FKBP5: variants seen among roughly 807,000 people sequenced by gnomAD.
FKBP5 encodes the protein FKBP prolyl isomerase 5, also known as peptidyl-prolyl cis-trans isomerase FKBP5.
FKBP5 carries 23 observed loss-of-function variants against 50.5 expected under a neutral mutation model. That is an observed-to-expected ratio of 0.46 (90% CI 0.33 to 0.65). FKBP5 has a LOEUF of 0.65. Ranked by LOEUF, FKBP5 falls within the 30% of genes least tolerant of loss-of-function variation. The pLI is 0.02. For missense variants in FKBP5, 411 were observed against 553.1 expected (o/e 0.74, Z 2.58); for synonymous variants, 176 against 190.6 (o/e 0.92, Z 0.63).
At chr6:35,582,136 A>G (rs558044787) in intron 8 of FKBP5, 206 of 985,024 alleles carry the variant, frequency 2.1e-4, no homozygotes, top group Admixed American at 3.1e-4. Context: ...TCCCTCGAAC[A>G]TCCTTCTTCC....
At chr6:35,687,247 G>A (rs1196606999) in intron 1 of FKBP5, among the ~76,000 whole-genome samples, 1 of 152,114 alleles carries the variant, frequency 6.6e-6, no homozygotes, top group Non-Finnish European at 1.5e-5. Flanking sequence ...CAAATAATGA[G>A]TATTAATAAC....
intron 6 of FKBP5, 148 bp from the exon 7 acceptor site, chr6:35,591,368 T>A: frequency 1.7e-6 from 1 of 580,148 alleles, no homozygotes; most frequent in Non-Finnish European, 3.1e-6. Flanking sequence ...GACCAGAAGA[T>A]ACAGTGTGAA....
At chr6:35,585,308 T>C in intron 8 of FKBP5, 2 of 980,252 alleles carry the variant, frequency 2.0e-6, no homozygotes, top group Non-Finnish European at 2.4e-6. Flanking sequence ...TATTATGTAT[T>C]TGGATATACA....
At chr6:35,619,897 C>T (rs1314939505) in intron 4 of FKBP5, among the ~76,000 whole-genome samples, 2 of 152,082 alleles carry the variant, frequency 1.3e-5, no homozygotes, top group African/African-American at 2.4e-5. Flanking sequence ...CTAAGTGTAG[C>T]GTCTTTTGTT....
At chr6:35,701,802 A>G (rs1766194281) in intron 2 of FKBP5, among the ~76,000 whole-genome samples, 1 of 151,600 alleles carries the variant, frequency 6.6e-6, no homozygotes, top group South Asian at 2.1e-4. Flanking sequence ...CAGCCTCCCA[A>G]AGTGTTGGGA....
Position 35,579,148 on chromosome 6 carries a change from A to G in FKBP5, c.1026+888T>C, listed in dbSNP as rs545468177. Among the ~76,000 whole-genome samples the G allele has an allele frequency of 4.2e-3, 626 of 148,872 alleles. 3 individuals are homozygous for G. Among genetic ancestry groups the G allele is most frequent in the African/African-American group, 0.012 (455 of 38,856 alleles). ...TCTCTAAAACAAACAAAACACACACACGCGCGCGCGCACACACTCTCTCTC... is the reference window on the plus strand; with the variant it reads ...TCTCTAAAACAAACAAAACACACACGCGCGCGCGCGCACACACTCTCTCTC... On this transcript the variant is annotated intron_variant, in intron 9 of 10. Coordinates refer to ENST00000357266, the MANE Select transcript of FKBP5 (RefSeq NM_004117.4).
At chr6:35,671,230 C>T (rs1765378375) in intron 1 of FKBP5, among the ~76,000 whole-genome samples, 1 of 151,026 alleles carries the variant, frequency 6.6e-6, no homozygotes. Context: ...CACCACTGCA[C>T]TCCAGCCTGG....
intron 6 of FKBP5, among the ~76,000 whole-genome samples, chr6:35,595,065 A>G (rs1372029168): frequency 6.6e-6 from 1 of 152,186 alleles, no homozygotes; most frequent in Non-Finnish European, 1.5e-5. Context: ...TTAGCTCTCC[A>G]TAACTTTATG....
At chr6:35,712,227 C>T (rs1766428958) in intron 2 of FKBP5, among the ~76,000 whole-genome samples, 1 of 151,866 alleles carries the variant, frequency 6.6e-6, no homozygotes, top group Non-Finnish European at 1.5e-5. Context: ...GTTACCCGCT[C>T]TCTTTTTTCC....
chr6:35,629,104 A>G (rs1188774800), intron 3 of FKBP5, among the ~76,000 whole-genome samples: 1 of 149,956 alleles, frequency 6.7e-6, no homozygotes, highest in Non-Finnish European at 1.5e-5. Flanking sequence ...TAAACAAATT[A>G]ATTTATGTAT....
chr6:35,595,046 G>A (rs1762941244), intron 6 of FKBP5, among the ~76,000 whole-genome samples: 1 of 152,122 alleles, frequency 6.6e-6, no homozygotes, highest in African/African-American at 2.4e-5. Context: ...TATATGTGCA[G>A]GATTTTATTT....
intron 1 of FKBP5, among the ~76,000 whole-genome samples, chr6:35,662,449 A>ATT (rs11333201): frequency 4.4e-5 from 6 of 135,980 alleles, no homozygotes; most frequent in Non-Finnish European, 8.0e-5. Context: ...TAATTTTTTA[A>ATT]TTTTTTTTTT....
intron 8 of FKBP5, chr6:35,580,944 C>T (rs1463582933): frequency 7.1e-6 from 7 of 985,230 alleles, no homozygotes; most frequent in Non-Finnish European, 8.4e-6. Context: ...GCAAATATTA[C>T]ATTCTGGCAA....
At chr6:35,667,961 TC>T (rs1259475698) in intron 1 of FKBP5, among the ~76,000 whole-genome samples, 1 of 152,084 alleles carries the variant, frequency 6.6e-6, no homozygotes, top group Non-Finnish European at 1.5e-5. Flanking sequence ...TGAGACTCTT[TC>T]GAAAAGAAAA....
chr6:35,642,847 G>T lies in FKBP5; in HGVS notation c.-19-4C>A, dbSNP rs1420721152. 6.3e-7 allele frequency: 1 copy of T among 1,588,888 alleles called. No homozygotes were observed. The highest frequency in any genetic ancestry group is 1.4e-5 in the African/African-American group (1 of 73,886). ...CATTGTCTTTTAAGTAGAGAACCTG[G>T]TAAGAAGAAAAATATTTTAGCTGGG... On this transcript the variant is annotated splice_region_variant and splice_polypyrimidine_tract_variant and intron_variant, in intron 1 of 10. Coordinates refer to ENST00000357266, the MANE Select transcript of FKBP5 (RefSeq NM_004117.4).
intron 1 of FKBP5, among the ~76,000 whole-genome samples, chr6:35,666,683 G>T (rs943222143): frequency 6.6e-6 from 1 of 152,064 alleles, no homozygotes; most frequent in South Asian, 2.1e-4. Flanking sequence ...GAGTTCAAGA[G>T]ATCAAGACCA....
intron 8 of FKBP5, 123 bp from the exon 9 acceptor site, chr6:35,580,344 C>T: frequency 1.3e-6 from 1 of 771,870 alleles, no homozygotes; most frequent in Non-Finnish European, 2.1e-6. Flanking sequence ...TTCTTTCCTT[C>T]TGGAGATGGC....
upstream of FKBP5, among the ~76,000 whole-genome samples, chr6:35,693,452 T>G (rs530419485): frequency 6.6e-6 from 1 of 151,552 alleles, no homozygotes; most frequent in Non-Finnish European, 1.5e-5. Flanking sequence ...TGTGAGCCAC[T>G]GCGCCCGGCC....
intron 3 of FKBP5, among the ~76,000 whole-genome samples, chr6:35,627,820 G>T (rs1017172283): frequency 5.3e-5 from 8 of 151,700 alleles, no homozygotes; most frequent in Admixed American, 3.9e-4. Context: ...GGAGTGCAAT[G>T]GTGTGATCTT....
Sources: gnomAD v4.1 joint callset for allele counts (sites outside exome capture counted in the v4.1 genomes callset) on GRCh38, gnomAD v4.1.1 for gene constraint, MANE v1.5 for transcripts, NCBI Gene and HGNC (gene_info 2026-07-23, HGNC 2026-07-21) for gene names.